The following TENM3 variants were observed in gnomAD, a reference collection of about 807,000 sequenced individuals.
TENM3 encodes teneurin-3.
TENM3 carries 63 observed loss-of-function variants against 255.1 expected under a neutral mutation model. The ratio of observed to expected loss-of-function variants is 0.25; its 90% CI spans 0.20 to 0.30. The LOEUF (loss-of-function observed/expected upper bound fraction) is 0.30. TENM3 is among the 10% of genes least tolerant of loss of function. The probability of loss-of-function intolerance (pLI) is 1.00; values close to 1 mark genes in which losing one functional copy is unlikely to be tolerated. For synonymous variants in TENM3, 1,306 were observed against 1,322.3 expected, an observed-to-expected ratio of 0.99 and a Z score of 0.27; for missense variants, 2,929 against 3,461.1, an observed-to-expected ratio of 0.85 and a Z score of 3.86.
At chr4:182,651,489 G>A (rs1402362196) in intron 5 of TENM3, among the ~76,000 whole-genome samples, 3 of 152,000 alleles carry the variant, frequency 2.0e-5, no homozygotes, top group Non-Finnish European at 4.4e-5. Flanking sequence ...TCAGGAGTTC[G>A]AGAACAGCCT....
intron 16 of TENM3, among the ~76,000 whole-genome samples, chr4:182,733,460 G>A (rs1760932414): frequency 6.6e-6 from 1 of 152,226 alleles, no homozygotes; most frequent in African/African-American, 2.4e-5. Flanking sequence ...GGCCAGTTAG[G>A]AGGCAACCTC....
chr4:181,515,824 G>GGT, the TENM3 span, among the ~76,000 whole-genome samples: 1 of 151,992 alleles, frequency 6.6e-6, no homozygotes, highest in Non-Finnish European at 1.5e-5. Context: ...AACAACATTT[G>GGT]ATACAGCAAT....
chr4:181,613,909 G>T, the TENM3 span, among the ~76,000 whole-genome samples: 3 of 152,202 alleles, frequency 2.0e-5, no homozygotes, highest in Non-Finnish European at 4.4e-5. Flanking sequence ...GAGTGCAGAA[G>T]TAGGTGAGAA....
chr4:182,376,613 G>A, intron 3 of TENM3, among the ~76,000 whole-genome samples: 1 of 152,154 alleles, frequency 6.6e-6, no homozygotes, highest in East Asian at 1.9e-4. Context: ...TTGGGTAGAA[G>A]ATAAAGACAG....
intron 3 of TENM3, among the ~76,000 whole-genome samples, chr4:182,512,386 C>A (rs959476505): frequency 6.6e-6 from 1 of 152,068 alleles, no homozygotes; most frequent in African/African-American, 2.4e-5. Context: ...GAAAGTTGTC[C>A]CATTGAACAC....
the TENM3 span, among the ~76,000 whole-genome samples, chr4:182,044,417 C>T: frequency 6.6e-5 from 10 of 152,190 alleles, no homozygotes; most frequent in African/African-American, 9.7e-5. Context: ...ATTATGAATA[C>T]ACTTTATATG....
chr4:182,205,386 T>C (rs1246303449), intron 1 of TENM3, among the ~76,000 whole-genome samples: 1 of 152,258 alleles, frequency 6.6e-6, no homozygotes, highest in East Asian at 1.9e-4. Context: ...TTGCTTGACT[T>C]AGAGCTTCTC....
chr4:182,541,028 T>G (rs951054400), intron 3 of TENM3, among the ~76,000 whole-genome samples: 1 of 152,222 alleles, frequency 6.6e-6, no homozygotes, highest in Non-Finnish European at 1.5e-5. Context: ...ATTACTAAGG[T>G]AGATTCTATC....
chr4:182,347,001 G>GGA, intron 3 of TENM3, 72 bp downstream of exon 3: 1 of 1,133,232 alleles, frequency 8.8e-7, no homozygotes, highest in Non-Finnish European at 1.2e-6. Context: ...TCCGCGGGGG[G>GGA]GGATGTTTTT....
intron 1 of TENM3, among the ~76,000 whole-genome samples, chr4:182,293,760 G>A (rs1407352746): frequency 4.2e-5 from 5 of 118,120 alleles, no homozygotes; most frequent in Admixed American, 3.4e-4. Flanking sequence ...CGCCCACCCC[G>A]AGTCCCTTCC....
the TENM3 span, among the ~76,000 whole-genome samples, chr4:181,711,735 C>G: frequency 6.6e-6 from 1 of 152,148 alleles, no homozygotes; most frequent in Non-Finnish European, 1.5e-5. Context: ...TGAGCACAGA[C>G]CTTGAAGGTA....
At chr4:182,609,568 C>T (rs1469741079) in intron 4 of TENM3, among the ~76,000 whole-genome samples, 3 of 152,188 alleles carry the variant, frequency 2.0e-5, no homozygotes, top group South Asian at 4.1e-4. Context: ...TTTGTGCTTT[C>T]GTAGCATCTC....
chr4:182,738,618 CTCATGAGAT>C, intron 18 of TENM3, 74 bp downstream of exon 18: 1 of 1,286,388 alleles, frequency 7.8e-7, no homozygotes, highest in Non-Finnish European at 1.1e-6. Flanking sequence ...CACTTTCCAA[CTCATGAGAT>C]TGTAGCAACA....
the TENM3 span, among the ~76,000 whole-genome samples, chr4:181,963,204 T>G: frequency 0.17 from 25,142 of 152,240 alleles, 2,387 homozygotes; most frequent in Non-Finnish European, 0.22. Flanking sequence ...GGGAGCCCGA[T>G]CCGTCAGTGG....
intron 3 of TENM3, among the ~76,000 whole-genome samples, chr4:182,354,781 G>C (rs759819645): frequency 1.3e-5 from 2 of 152,112 alleles, no homozygotes; most frequent in Admixed American, 1.3e-4. Context: ...ATAGAAATGC[G>C]TATACACTTA....
chr4:182,786,117 A>G (rs1251029798), intron 24 of TENM3, among the ~76,000 whole-genome samples: 1 of 152,246 alleles, frequency 6.6e-6, no homozygotes, highest in Non-Finnish European at 1.5e-5. Flanking sequence ...ATTTGTCTGG[A>G]TAAAAGAAAA....
chr4:181,844,332 G>T, the TENM3 span, among the ~76,000 whole-genome samples: 1 of 152,052 alleles, frequency 6.6e-6, no homozygotes, highest in African/African-American at 2.4e-5. Flanking sequence ...CAGATGAAAT[G>T]ACCTTTATTA....
At chr4:181,673,433 A>G in the TENM3 span, among the ~76,000 whole-genome samples, 2 of 152,192 alleles carry the variant, frequency 1.3e-5, no homozygotes, top group Non-Finnish European at 1.5e-5. Context: ...AAGCAATTCA[A>G]TAAATATTAT....
chr4:182,799,592 G>T lies in TENM3; in HGVS notation c.7345-4G>T. The T allele has an allele frequency of 6.5e-7, 1 of 1,536,398 alleles. No individual in the cohort carries two copies. The highest frequency in any genetic ancestry group is 8.7e-7 in the Non-Finnish European group (1 of 1,145,940). On this transcript the variant is annotated splice_polypyrimidine_tract_variant and splice_region_variant and intron_variant, in intron 27 of 27. Coordinates refer to ENST00000511685, the MANE Select transcript of TENM3 (RefSeq NM_001080477.4). The surrounding 1 kb of genome is among the most constrained non-coding windows in gnomAD (Gnocchi z 4.2). Reference sequence around the variant, plus strand: ...ACGCGCCCCCTCTTTTGTTTCGCCCGCAGCCCATCTTCGGAGTCCAGCAGC... The same window carrying T: ...ACGCGCCCCCTCTTTTGTTTCGCCCTCAGCCCATCTTCGGAGTCCAGCAGC...
Sources: gnomAD v4.1 joint callset for allele counts (sites outside exome capture counted in the v4.1 genomes callset) on GRCh38, gnomAD v4.1.1 for gene constraint, Gnocchi (gnomAD v3.1) non-coding constraint, MANE v1.5 for transcripts, NCBI Gene and HGNC (gene_info 2026-07-23, HGNC 2026-07-21) for gene names.